Variants in MTUS2 observed in about 807,000 individuals in gnomAD.
The protein encoded by MTUS2 is microtubule associated scaffold protein 2.
Under a neutral mutation model 114.1 loss-of-function variants are expected in MTUS2, and 40 were observed. The ratio of observed to expected loss-of-function variants is 0.35; its 90% CI spans 0.27 to 0.46. MTUS2 has a LOEUF of 0.46. Among genes scored for constraint, MTUS2 ranks in the 20% least tolerant of loss-of-function variants. The pLI is 1.00. For synonymous variants in MTUS2, 688 were observed against 672.0 expected (o/e 1.02, Z -0.37); for missense variants, 1,679 against 1,705.4 (o/e 0.98, Z 0.27).
At chr13:29,218,134 C>CCAAAA (rs775030220) in intron 5 of MTUS2, among the ~76,000 whole-genome samples, 9 of 151,390 alleles carry the variant, frequency 5.9e-5, no homozygotes, top group South Asian at 2.1e-4. Flanking sequence ...CAAAACCAAA[C>CCAAAA]CAAAACAAAA....
intron 7 of MTUS2, among the ~76,000 whole-genome samples, chr13:29,326,312 G>T (rs9508355): frequency 0.73 from 110,953 of 152,028 alleles, 44,321 homozygotes; most frequent in East Asian, 0.91. Flanking sequence ...ATGCTGCAGT[G>T]CTTATGGCTA....
At chr13:29,017,032 A>G (rs1203702461) in intron 2 of MTUS2, among the ~76,000 whole-genome samples, 1 of 152,232 alleles carries the variant, frequency 6.6e-6, no homozygotes, top group African/African-American at 2.4e-5. Context: ...GTTCCTAAGT[A>G]ATTATAACTG....
intron 8 of MTUS2, among the ~76,000 whole-genome samples, chr13:29,372,089 A>G (rs889444673): frequency 2.0e-5 from 3 of 149,844 alleles, no homozygotes; most frequent in African/African-American, 7.4e-5. Flanking sequence ...TCAAAATAGC[A>G]CTTTGTACAC....
chr13:29,229,130 GGGGTT>G (rs1896226012), intron 5 of MTUS2, among the ~76,000 whole-genome samples: 2 of 151,962 alleles, frequency 1.3e-5, no homozygotes, highest in South Asian at 4.2e-4. Flanking sequence ...CCTTGATTCT[GGGGTT>G]GGTTTCTGCT....
intron 5 of MTUS2, among the ~76,000 whole-genome samples, chr13:29,131,480 C>A (rs1207490214): frequency 6.6e-6 from 1 of 152,234 alleles, no homozygotes; most frequent in Non-Finnish European, 1.5e-5. Flanking sequence ...AGGTGGGGGC[C>A]ATTGAGGCCC....
chr13:29,218,960 T>C (rs1009173312), intron 5 of MTUS2, among the ~76,000 whole-genome samples: 4 of 152,044 alleles, frequency 2.6e-5, no homozygotes, highest in Non-Finnish European at 5.9e-5. Context: ...TTCTTTTTTT[T>C]TTTTTTGTCA....
chr13:29,401,668 G>A (rs995394644), intron 8 of MTUS2, among the ~76,000 whole-genome samples: 6 of 152,044 alleles, frequency 3.9e-5, no homozygotes, highest in Non-Finnish European at 8.8e-5. Flanking sequence ...AAATATGAAC[G>A]GTTCTGTTTC....
chr13:29,086,147 ATTTG>A (rs1273644420), intron 4 of MTUS2, among the ~76,000 whole-genome samples: 5 of 151,894 alleles, frequency 3.3e-5, no homozygotes, highest in Non-Finnish European at 2.9e-5. Flanking sequence ...TTGCTTGTTG[ATTTG>A]TTTAAGTTCC....
intron 15 of MTUS2, among the ~76,000 whole-genome samples, chr13:29,502,435 C>T (rs1236350768): frequency 6.6e-6 from 1 of 152,228 alleles, no homozygotes; most frequent in Non-Finnish European, 1.5e-5. Context: ...AGAGCCTTGG[C>T]CTCTGTCCTC....
intron 2 of MTUS2, among the ~76,000 whole-genome samples, chr13:28,995,024 A>G (rs576673157): frequency 6.6e-6 from 1 of 152,254 alleles, no homozygotes; most frequent in African/African-American, 2.4e-5. Flanking sequence ...CTAGGGTTTT[A>G]TGGTTTTAGG....
At chr13:28,850,233 A>G (rs888173038) in intron 2 of MTUS2, among the ~76,000 whole-genome samples, 15 of 152,244 alleles carry the variant, frequency 9.9e-5, no homozygotes, top group Non-Finnish European at 1.8e-4. Context: ...AAACTCAAGA[A>G]ATAGACAAAA....
At chr13:28,879,541 GTGA>G (rs1878161947) in intron 2 of MTUS2, among the ~76,000 whole-genome samples, 1 of 152,154 alleles carries the variant, frequency 6.6e-6, no homozygotes, top group South Asian at 2.1e-4. Flanking sequence ...AGCTGGTTAT[GTGA>G]ACGGCTGATG....
chr13:29,226,313 C>T (rs1477658837), intron 5 of MTUS2, among the ~76,000 whole-genome samples: 3 of 152,198 alleles, frequency 2.0e-5, no homozygotes, highest in Non-Finnish European at 2.9e-5. Context: ...TGAAATTTAA[C>T]TGCTAAACTT....
intron 2 of MTUS2, among the ~76,000 whole-genome samples, chr13:28,995,712 T>G (rs1885070217): frequency 6.6e-6 from 1 of 152,214 alleles, no homozygotes; most frequent in Admixed American, 6.5e-5. Context: ...GTTTTTGGTG[T>G]ATAAGAATGC....
At chr13:29,412,307 A>C (rs1875308054) in intron 8 of MTUS2, among the ~76,000 whole-genome samples, 3 of 152,210 alleles carry the variant, frequency 2.0e-5, no homozygotes, top group African/African-American at 7.2e-5. Flanking sequence ...ATGGATATCA[A>C]ATTTTTGTTG....
At chr13:29,350,546 G>T (rs1869143817) in intron 7 of MTUS2, among the ~76,000 whole-genome samples, 1 of 151,728 alleles carries the variant, frequency 6.6e-6, no homozygotes, top group South Asian at 2.1e-4. Flanking sequence ...ATTAGGCCAG[G>T]CTCACCCAAG....
At chr13:29,015,920 T>G (rs1033657925) in intron 2 of MTUS2, among the ~76,000 whole-genome samples, 1 of 152,220 alleles carries the variant, frequency 6.6e-6, no homozygotes, top group Admixed American at 6.5e-5. Context: ...TCTTCTTTTT[T>G]TTTAGATGAA....
intron 2 of MTUS2, among the ~76,000 whole-genome samples, chr13:28,887,076 T>C (rs887420782): frequency 1.3e-5 from 2 of 152,142 alleles, no homozygotes; most frequent in Middle Eastern, 3.2e-3. Context: ...GAGGTTAAGG[T>C]TGGAAGTACA....
At chr13:28,996,221 A>G (rs1352859696) in intron 2 of MTUS2, among the ~76,000 whole-genome samples, 1 of 152,146 alleles carries the variant, frequency 6.6e-6, no homozygotes, top group African/African-American at 2.4e-5. Context: ...CGTATGTTGA[A>G]CCAGCCTCGC....
Sources: gnomAD v4.1 joint callset for allele counts (sites outside exome capture counted in the v4.1 genomes callset) on GRCh38, gnomAD v4.1.1 for gene constraint, MANE v1.5 for transcripts, NCBI Gene and HGNC (gene_info 2026-07-23, HGNC 2026-07-21) for gene names.